SUCLG2: variants seen among roughly 807,000 people sequenced by gnomAD.
The protein encoded by SUCLG2 is succinate--CoA ligase [GDP-forming] subunit beta, mitochondrial.
A neutral mutation model predicts 47.9 loss-of-function variants in SUCLG2; 42 were observed. That is an observed-to-expected ratio of 0.88 (90% CI 0.69 to 1.14). The LOEUF (loss-of-function observed/expected upper bound fraction) is 1.14, where lower values mean the gene tolerates loss of function less well. Ranked by LOEUF, SUCLG2 falls within the 50% of genes most tolerant of loss-of-function variation. The pLI is 0.00. For synonymous variants in SUCLG2, 195 were observed against 197.3 expected, an observed-to-expected ratio of 0.99 and a Z score of 0.10; for missense variants, 571 against 525.9, an observed-to-expected ratio of 1.09 and a Z score of -0.84.
At chr3:67,613,009 C>G (rs9853025) in intron 1 of SUCLG2, among the ~76,000 whole-genome samples, 57,076 of 152,076 alleles carry the variant, frequency 0.38, 10,980 homozygotes, top group Non-Finnish European at 0.41. Context: ...AAGGTATGCC[C>G]ATGGAGCTTC....
chr3:67,561,804 T>A (rs1378044243), intron 2 of SUCLG2, among the ~76,000 whole-genome samples: 3 of 152,200 alleles, frequency 2.0e-5, no homozygotes, highest in Non-Finnish European at 4.4e-5. Flanking sequence ...CTAGGATTCT[T>A]TATTCCTGTA....
intron 10 of SUCLG2, among the ~76,000 whole-genome samples, chr3:67,394,512 T>C (rs889165662): frequency 2.7e-5 from 4 of 150,430 alleles, no homozygotes; most frequent in Admixed American, 6.6e-5. Flanking sequence ...CCAAGAAATA[T>C]GGGACTATGT....
chr3:67,652,710 C>T (rs1420798757), intron 1 of SUCLG2, among the ~76,000 whole-genome samples: 1 of 152,152 alleles, frequency 6.6e-6, no homozygotes, highest in Non-Finnish European at 1.5e-5. Context: ...CACCAGGAAA[C>T]AGCATGGTGT....
At chr3:67,587,713 T>G (rs1427579593) in intron 2 of SUCLG2, among the ~76,000 whole-genome samples, 2 of 152,220 alleles carry the variant, frequency 1.3e-5, no homozygotes, top group Non-Finnish European at 2.9e-5. Context: ...ACAGTTAATA[T>G]TTCTAAATTA....
chr3:67,410,834 G>C (rs146988722), intron 9 of SUCLG2, among the ~76,000 whole-genome samples: 28 of 152,254 alleles, frequency 1.8e-4, no homozygotes, highest in African/African-American at 6.7e-4. Context: ...TGTCTTTCCA[G>C]CTTAACAGAT....
intron 9 of SUCLG2, among the ~76,000 whole-genome samples, chr3:67,472,689 C>G (rs1288154927): frequency 6.6e-6 from 1 of 152,104 alleles, no homozygotes; most frequent in Non-Finnish European, 1.5e-5. Flanking sequence ...TCTTAATTAA[C>G]TAAATGGTCA....
At chr3:67,393,188 G>T (rs1197508159) in intron 10 of SUCLG2, among the ~76,000 whole-genome samples, 1 of 152,144 alleles carries the variant, frequency 6.6e-6, no homozygotes, top group Non-Finnish European at 1.5e-5. Flanking sequence ...TGCGTGCAGC[G>T]CACCATGCAC....
chr3:67,583,554 C>T (rs1707934365), intron 2 of SUCLG2, among the ~76,000 whole-genome samples: 1 of 152,206 alleles, frequency 6.6e-6, no homozygotes, highest in African/African-American at 2.4e-5. Context: ...CATTTATTGT[C>T]TCACAGTGTT....
rs1213828592 is a variant in SUCLG2 at position 67,614,273 on chromosome 3, G to C, written c.85-4677C>G. ...CTCTTCTGCCTAAATTTGAGACTCT[G>C]TTCAGAGACTGAACAGTAGGGGGAA... On this transcript the variant is annotated intron_variant, in intron 1 of 10. Transcript: ENST00000307227. Among the ~76,000 whole-genome samples the C allele has an allele frequency of 5.3e-5, 8 of 152,136 alleles. No individual in the cohort carries two copies. The East Asian group carries it at 1.6e-3, about 30-fold the overall frequency.
At chr3:67,609,238 C>T (rs1053322487) in intron 2 of SUCLG2, among the ~76,000 whole-genome samples, 3 of 152,060 alleles carry the variant, frequency 2.0e-5, no homozygotes, top group African/African-American at 7.3e-5. Context: ...GAAAGCAGAC[C>T]CCTCCCTTCA....
rs938328064 is a variant in SUCLG2 at position 67,396,808 on chromosome 3, A to G, written c.1183+3923T>C. 8.5e-5 allele frequency among the ~76,000 whole-genome samples: 13 copies of G among 152,356 alleles called. No homozygotes were observed. In the East Asian group the frequency reaches 9.6e-4, roughly 11 times the overall value. On this transcript the variant is annotated intron_variant, in intron 10 of 10. Transcript: ENST00000307227. ...GGCAAACCGAATCTAGCAGCATATC[A>G]AAAAGCTTATCCACCATGATCAAGT...
chr3:67,550,405 T>A (rs1454167320), intron 2 of SUCLG2, among the ~76,000 whole-genome samples: 1 of 152,160 alleles, frequency 6.6e-6, no homozygotes. Flanking sequence ...AGTGAAATGA[T>A]CATGGCTCAC....
chr3:67,483,352 G>A lies in SUCLG2; in HGVS notation c.1062+12446C>T, dbSNP rs1018303389. On this transcript the variant is annotated intron_variant, in intron 9 of 10. Transcript: ENST00000307227. ...AGATTCTTTCATTGATAGCATTCAT[G>A]TCATTACCCACAAACTCCAACTCCA... Among the ~76,000 whole-genome samples the A allele has an allele frequency of 2.4e-4, 36 of 152,134 alleles. 1 individual carries two copies. The highest frequency in any genetic ancestry group is 7.7e-4 in the African/African-American group (32 of 41,444).
intron 10 of SUCLG2, among the ~76,000 whole-genome samples, chr3:67,380,711 GAGAGAGACAAATGA>G (rs1702140411): frequency 6.6e-6 from 1 of 151,466 alleles, no homozygotes; most frequent in Non-Finnish European, 1.5e-5. Context: ...GGGAGATAGA[GAGAGAGACAAATGA>G]AGAGAGAGAC....
At chr3:67,559,230 T>C (rs1707242263) in intron 2 of SUCLG2, among the ~76,000 whole-genome samples, 1 of 152,158 alleles carries the variant, frequency 6.6e-6, no homozygotes, top group Non-Finnish European at 1.5e-5. Context: ...AGAGGTCTTT[T>C]TCGATTGTAG....
intron 9 of SUCLG2, among the ~76,000 whole-genome samples, chr3:67,449,897 G>A (rs1276970191): frequency 6.6e-6 from 1 of 152,120 alleles, no homozygotes; most frequent in Non-Finnish European, 1.5e-5. Flanking sequence ...ACAGGCATGA[G>A]ACACTGCACT....
intron 10 of SUCLG2, among the ~76,000 whole-genome samples, chr3:67,395,092 G>A (rs1434632239): frequency 6.6e-6 from 1 of 152,012 alleles, no homozygotes; most frequent in Non-Finnish European, 1.5e-5. Flanking sequence ...AGACCATCGA[G>A]ACTAGGAAGA....
At chr3:67,480,550 T>A (rs906711155) in intron 9 of SUCLG2, among the ~76,000 whole-genome samples, 1 of 152,146 alleles carries the variant, frequency 6.6e-6, no homozygotes, top group African/African-American at 2.4e-5. Flanking sequence ...CATCATAGCA[T>A]GGCAGGAGCT....
In SUCLG2 at chr3:67,529,186, T is replaced by C; in HGVS notation, c.227A>G (p.Asn76Ser). Residue 76 changes from asparagine to serine, a missense_variant and splice_region_variant, in exon 3 of 11, where the codon AAT becomes AGT. By Grantham distance (46) the Asn-to-Ser change is conservative. Coordinates refer to ENST00000307227, the MANE Select transcript of SUCLG2 (RefSeq NM_003848.4). ...NEALEAAKRL[N>S]AKEIVLKAQI... ...GGCTTTTAAAACAATTTCTTTTGCA[T>C]CTGAAAAAGAAAAATCCAGAGTTGG... 3 of 1,605,190 alleles carry C rather than the reference T, an allele frequency of 1.9e-6. No individual in the cohort carries two copies. Among genetic ancestry groups the C allele is most frequent in the East Asian group, 4.5e-5 (2 of 44,766 alleles).
Sources: gnomAD v4.1 joint callset for allele counts (sites outside exome capture counted in the v4.1 genomes callset) on GRCh38, gnomAD v4.1.1 for gene constraint, MANE v1.5 for transcripts, NCBI Gene and HGNC (gene_info 2026-07-23, HGNC 2026-07-21) for gene names.